The following C8orf34 variants were observed in gnomAD, a reference collection of about 807,000 sequenced individuals.
C8orf34 encodes the protein uncharacterized protein C8orf34.
In C8orf34, 65 loss-of-function variants were observed where a neutral mutation model predicts 68.3. The observed-to-expected ratio is 0.95, with a 90% CI of 0.78 to 1.17. The LOEUF (loss-of-function observed/expected upper bound fraction) is 1.17, where lower values mean the gene tolerates loss of function less well. C8orf34 is among the 50% of genes most tolerant of loss of function. C8orf34 has a pLI of 0.00. For missense variants in C8orf34, 664 were observed against 655.4 expected (o/e 1.01, Z -0.14); for synonymous variants, 244 against 241.2 (o/e 1.01, Z -0.11).
chr8:68,599,043 G>A lies in C8orf34; in HGVS notation c.1106-41333G>A, dbSNP rs183687768. Among the ~76,000 whole-genome samples the A allele has an allele frequency of 3.7e-3, 555 of 151,946 alleles. 7 individuals are homozygous for A. The highest frequency in any genetic ancestry group is 0.013 in the African/African-American group (532 of 41,492). On this transcript the variant is annotated intron_variant, in intron 7 of 13. Transcript: ENST00000518698. The stretch of plus-strand genomic sequence containing the variant: ...TCTAGTAGAAAAAGAAAAAAAAATA[G>A]AAGTTAAACAAGATTAAGTTAATAT...
At chr8:68,463,882 A>C (rs566668752) in intron 3 of C8orf34, among the ~76,000 whole-genome samples, 129 of 152,330 alleles carry the variant, frequency 8.5e-4, no homozygotes, top group African/African-American at 2.9e-3. Flanking sequence ...AAACTGGCAC[A>C]AGACAGGGAT....
chr8:68,549,087 G>A (rs1815980749), intron 7 of C8orf34, among the ~76,000 whole-genome samples: 1 of 151,740 alleles, frequency 6.6e-6, no homozygotes, highest in Admixed American at 6.6e-5. Context: ...AGAGATAAAA[G>A]GAGTGAGGAC....
intron 1 of C8orf34, among the ~76,000 whole-genome samples, chr8:68,331,736 T>TTGAG (rs1279221369): frequency 6.7e-6 from 1 of 149,184 alleles, no homozygotes; most frequent in Non-Finnish European, 1.5e-5. Flanking sequence ...TCACGCTATC[T>TTGAG]TGAGTGTTCG....
rs58048066 is a variant in C8orf34 at position 68,794,506 on chromosome 8, T to TACA, written c.1549+6970_1549+6971insACA. ...AAATATATATATATATATATATATA[T>TACA]TTTTTTTTTTTTTTTTTAGACAGGC... On this transcript the variant is annotated intron_variant, in intron 12 of 13. Coordinates refer to ENST00000518698, the MANE Select transcript of C8orf34 (RefSeq NM_052958.4). Among the ~76,000 whole-genome samples, 100 of 58,996 alleles carry TACA rather than the reference T, an allele frequency of 1.7e-3. 1 individual carries two copies. Among genetic ancestry groups the TACA allele is most frequent in the Middle Eastern group, 0.011 (1 of 92 alleles). The allele number at this position is 58,996 out of a possible 152,430, so 38.7% of individuals were successfully genotyped here. A position where few individuals can be genotyped will look rare whatever the true frequency, so the allele number is the denominator to read the frequency against.
chr8:68,787,753 G>A (rs1585883700), intron 12 of C8orf34: 2 of 296,186 alleles, frequency 6.8e-6, no homozygotes, highest in Non-Finnish European at 1.2e-5. Context: ...TAACTTTCTA[G>A]AAAAAAAAAG....
intron 8 of C8orf34, among the ~76,000 whole-genome samples, chr8:68,648,717 G>A (rs1269144387): frequency 6.6e-6 from 1 of 152,206 alleles, no homozygotes; most frequent in Non-Finnish European, 1.5e-5. Flanking sequence ...ACTACAGCAT[G>A]AGAATCCCAG....
chr8:68,755,823 A>G (rs1434390596), intron 10 of C8orf34, among the ~76,000 whole-genome samples: 4 of 151,988 alleles, frequency 2.6e-5, no homozygotes, highest in African/African-American at 9.7e-5. Context: ...GCACTTTGGG[A>G]GGCCGAAGCA....
At chr8:68,491,038 G>T (rs1307339475) in intron 5 of C8orf34, among the ~76,000 whole-genome samples, 1 of 151,986 alleles carries the variant, frequency 6.6e-6, no homozygotes, top group East Asian at 1.9e-4. Context: ...ACAATTTTGG[G>T]GATTCACTAA....
chr8:68,425,871 C>T (rs1337103046), intron 1 of C8orf34, among the ~76,000 whole-genome samples: 2 of 151,872 alleles, frequency 1.3e-5, no homozygotes, highest in Admixed American at 6.6e-5. Context: ...ATATACATAC[C>T]CGATATGTGA....
At chr8:68,682,961 C>T (rs1278935408) in intron 8 of C8orf34, among the ~76,000 whole-genome samples, 1 of 152,012 alleles carries the variant, frequency 6.6e-6, no homozygotes, top group East Asian at 1.9e-4. Flanking sequence ...CTAGAGATTC[C>T]ACATCTCACA....
At chr8:68,731,192 A>G (rs1386090458) in intron 10 of C8orf34, among the ~76,000 whole-genome samples, 1 of 152,134 alleles carries the variant, frequency 6.6e-6, no homozygotes, top group Non-Finnish European at 1.5e-5. Flanking sequence ...AGCTACGAAA[A>G]CTACATAGAT....
At chr8:68,398,191 T>C (rs1226452285) in intron 1 of C8orf34, among the ~76,000 whole-genome samples, 1 of 152,164 alleles carries the variant, frequency 6.6e-6, no homozygotes, top group Non-Finnish European at 1.5e-5. Context: ...ACCTGAGGCA[T>C]AGATTATAGA....
intron 10 of C8orf34, among the ~76,000 whole-genome samples, chr8:68,759,542 C>T (rs1269083449): frequency 1.3e-5 from 2 of 152,188 alleles, no homozygotes; most frequent in African/African-American, 4.8e-5. Context: ...CAAAAGATTT[C>T]TTAGCTGTGA....
chr8:68,725,458 G>A (rs1375126946), intron 10 of C8orf34, among the ~76,000 whole-genome samples: 1 of 152,154 alleles, frequency 6.6e-6, no homozygotes, highest in Non-Finnish European at 1.5e-5. Flanking sequence ...TAAAAGTTAT[G>A]CTTTTGGTAT....
intron 7 of C8orf34, among the ~76,000 whole-genome samples, chr8:68,620,764 G>T (rs2130631260): frequency 6.7e-6 from 1 of 150,102 alleles, no homozygotes; most frequent in Non-Finnish European, 1.5e-5. Context: ...AGATATAAGT[G>T]TCCATTAATT....
intron 5 of C8orf34, among the ~76,000 whole-genome samples, chr8:68,501,150 G>A (rs185757262): frequency 1.8e-4 from 28 of 152,210 alleles, no homozygotes; most frequent in Admixed American, 1.2e-3. Flanking sequence ...AGCTGAGGGC[G>A]CTGGTTTCCA....
chr8:68,616,702 A>T (rs1818227481), intron 7 of C8orf34, among the ~76,000 whole-genome samples: 1 of 152,076 alleles, frequency 6.6e-6, no homozygotes, highest in Non-Finnish European at 1.5e-5. Flanking sequence ...GGAGAGCTTT[A>T]CTTCCAACTA....
intron 8 of C8orf34, among the ~76,000 whole-genome samples, chr8:68,696,938 G>T (rs1820851579): frequency 6.6e-6 from 1 of 151,588 alleles, no homozygotes; most frequent in South Asian, 2.1e-4. Flanking sequence ...ATTAACTATG[G>T]CTAAACTTTA....
chr8:68,645,219 A>G (rs964163032), intron 8 of C8orf34, among the ~76,000 whole-genome samples: 12 of 152,158 alleles, frequency 7.9e-5, no homozygotes, highest in African/African-American at 2.9e-4. Flanking sequence ...TTTAGCTGTG[A>G]AACGGAGTTC....
Sources: gnomAD v4.1 joint callset for allele counts (sites outside exome capture counted in the v4.1 genomes callset) on GRCh38, gnomAD v4.1.1 for gene constraint, MANE v1.5 for transcripts, NCBI Gene and HGNC (gene_info 2026-07-23, HGNC 2026-07-21) for gene names.